Variants in GNAL observed in about 807,000 individuals in gnomAD.
GNAL encodes the protein guanine nucleotide-binding protein G(olf) subunit alpha.
Under a neutral mutation model 55.1 loss-of-function variants are expected in GNAL, and 18 were observed. The observed-to-expected ratio is 0.33, with a 90% CI of 0.23 to 0.48. The LOEUF is 0.48. GNAL is among the 20% of genes least tolerant of loss of function. The probability of loss-of-function intolerance (pLI) is 0.99; values close to 1 mark genes in which losing one functional copy is unlikely to be tolerated. For missense variants in GNAL, 412 were observed against 614.1 expected (o/e 0.67, Z 3.48); for synonymous variants, 253 against 237.0 (o/e 1.07, Z -0.62).
intron 5 of GNAL, 43 bp downstream of exon 5, chr18:11,825,058 ATGAT>A: frequency 3.0e-6 from 3 of 999,552 alleles, no homozygotes; most frequent in Non-Finnish European, 4.7e-6. Context: ...TTTGAAGAAT[ATGAT>A]TGCATGCATG....
At chr18:11,834,581 G>A (rs1016301556) in intron 5 of GNAL, among the ~76,000 whole-genome samples, 3 of 152,072 alleles carry the variant, frequency 2.0e-5, no homozygotes, top group Non-Finnish European at 4.4e-5. Context: ...AGCTAAGTGG[G>A]GTGGTGTGTA....
intron 1 of GNAL, among the ~76,000 whole-genome samples, chr18:11,706,334 C>G (rs1435208713): frequency 4.0e-5 from 6 of 151,868 alleles, no homozygotes; most frequent in Admixed American, 3.9e-4. Flanking sequence ...TAAAAAAAAG[C>G]ACACCTTAAT....
intron 1 of GNAL, among the ~76,000 whole-genome samples, chr18:11,711,237 A>G (rs1372683883): frequency 1.3e-5 from 2 of 152,186 alleles, no homozygotes; most frequent in Non-Finnish European, 2.9e-5. Flanking sequence ...GAATCCGGAT[A>G]TCCATTTCCC....
At chr18:11,703,403 GTTAT>G (rs1463192539) in intron 1 of GNAL, among the ~76,000 whole-genome samples, 2 of 152,194 alleles carry the variant, frequency 1.3e-5, no homozygotes, top group African/African-American at 2.4e-5. Flanking sequence ...ATAGAAACGT[GTTAT>G]TTGTTATAGG....
chr18:11,754,998 ATGTG>A (rs59291287), intron 4 of GNAL, among the ~76,000 whole-genome samples: 5,437 of 148,106 alleles, frequency 0.037, 119 homozygotes, highest in African/African-American at 0.067. Flanking sequence ...GTGAGTGTGT[ATGTG>A]TGTGTGTGTG....
chr18:11,880,558 G>A (rs1869514130), intron 11 of GNAL, among the ~76,000 whole-genome samples: 1 of 152,172 alleles, frequency 6.6e-6, no homozygotes, highest in South Asian at 2.1e-4. Context: ...CTGGGCAACA[G>A]AGCTAGACTC....
chr18:11,791,329 G>A (rs946817415), intron 4 of GNAL, among the ~76,000 whole-genome samples: 2 of 152,192 alleles, frequency 1.3e-5, no homozygotes, highest in Non-Finnish European at 2.9e-5. Context: ...AATGGGAACC[G>A]CTAGGTGTTT....
chr18:11,806,924 C>T (rs534479794), intron 4 of GNAL, among the ~76,000 whole-genome samples: 47 of 152,212 alleles, frequency 3.1e-4, no homozygotes, highest in African/African-American at 1.1e-3. Context: ...GCCTCGGCCT[C>T]CCACAGTGCT....
In GNAL at chr18:11,884,912, C is replaced by A; in HGVS notation, c.*3777C>A. The A allele has an allele frequency of 7.7e-7, 1 of 1,293,410 alleles. No homozygotes were observed. 80.1% of individuals were successfully genotyped at this position (1,293,410 alleles called of 1,614,324 possible). On this transcript the variant is annotated 3_prime_UTR_variant, in exon 12 of 12. Transcript: ENST00000334049. ...ACTGGCCCCTGGCTCACTGGGTTCC[C>A]ATCAAATATAGTGGGGGATCCATAA...
chr18:11,862,522 T>C, intron 6 of GNAL, 73 bp downstream of exon 6: 1 of 1,242,570 alleles, frequency 8.0e-7, no homozygotes, highest in South Asian at 1.2e-5. Flanking sequence ...TTAATGATTA[T>C]TTCAGAATGA....
intron 4 of GNAL, among the ~76,000 whole-genome samples, chr18:11,815,495 C>T (rs529363559): frequency 1.0e-3 from 157 of 152,122 alleles, no homozygotes; most frequent in Non-Finnish European, 1.4e-3. Context: ...AAGAGAGAAG[C>T]GGGGAGATGC....
chr18:11,786,147 C>T (rs912939028), intron 4 of GNAL, among the ~76,000 whole-genome samples: 11 of 152,050 alleles, frequency 7.2e-5, no homozygotes, highest in African/African-American at 2.2e-4. Context: ...CCTGGAATTC[C>T]GTGCACATTA....
intron 4 of GNAL, among the ~76,000 whole-genome samples, chr18:11,755,474 A>G (rs2033021044): frequency 6.6e-6 from 1 of 152,070 alleles, no homozygotes; most frequent in Non-Finnish European, 1.5e-5. Flanking sequence ...ATGGGGTTTC[A>G]CCGTGTTAGC....
chr18:11,800,757 C>T (rs551495357), intron 4 of GNAL, among the ~76,000 whole-genome samples: 1 of 152,194 alleles, frequency 6.6e-6, no homozygotes, highest in Non-Finnish European at 1.5e-5. Flanking sequence ...GCTTCTCTGT[C>T]ATAGGAAGGA....
chr18:11,769,094 A>G (rs1177820088), intron 4 of GNAL, among the ~76,000 whole-genome samples: 1 of 103,484 alleles, frequency 9.7e-6, no homozygotes, highest in Non-Finnish European at 1.7e-5. Flanking sequence ...TATATGTAAT[A>G]TATATTATAA....
At position 11,752,921 on chromosome 18, in the gene GNAL, C is replaced by T. The variant is rs945843083; in HGVS notation, c.445C>T (p.Pro149Ser). Reference sequence around the variant, plus strand: ...GATCCTGCACGTCAATGGGTTTAATCCCGAGTAAGAATGTTCAGTTTGCTT... The same window carrying T: ...GATCCTGCACGTCAATGGGTTTAATTCCGAGTAAGAATGTTCAGTTTGCTT... ...MRILHVNGFN[P>S]EEKKQKILDI... The change falls in exon 2 of 12, where the codon CCC becomes TCC. Residue 149 changes from proline (P) to serine (S), a missense_variant. Physicochemically the swap from Pro to Ser is moderately conservative, Grantham distance 74 (BLOSUM62 -1). Transcript: ENST00000334049. This position sits in a 1 kb window ranked among gnomAD's most constrained non-coding sequence, Gnocchi z 4.5. The T allele has an allele frequency of 1.3e-6, 2 of 1,589,202 alleles. No individual in the cohort carries two copies. Among genetic ancestry groups the T allele is most frequent in the Non-Finnish European group, 1.7e-6 (2 of 1,157,604 alleles).
chr18:11,795,205 A>AC (rs2034346559), intron 4 of GNAL, among the ~76,000 whole-genome samples: 1 of 151,882 alleles, frequency 6.6e-6, no homozygotes, highest in Admixed American at 6.6e-5. Context: ...TTCAAGACCA[A>AC]CCTGGCCAAC....
Position 11,879,776 on chromosome 18 carries a change from T to G in GNAL, c.1231-1213T>G, listed in dbSNP as rs189188616. On this transcript the variant is annotated intron_variant, in intron 11 of 11. Coordinates refer to ENST00000334049, the MANE Select transcript of GNAL (RefSeq NM_182978.4). Reference sequence around the variant, plus strand: ...CTGAGGTGGTCCCCACAAACCATGATTCGTAATGTCTAACCCTGTTTCTCA... The same window carrying G: ...CTGAGGTGGTCCCCACAAACCATGAGTCGTAATGTCTAACCCTGTTTCTCA... 1.7e-3 allele frequency among the ~76,000 whole-genome samples: 252 copies of G among 152,298 alleles called. 2 individuals are homozygous for G. Among genetic ancestry groups the G allele is most frequent in the African/African-American group, 5.9e-3 (244 of 41,566 alleles).
chr18:11,741,969 C>G (rs188674453), intron 1 of GNAL, among the ~76,000 whole-genome samples: 4 of 152,294 alleles, frequency 2.6e-5, no homozygotes, highest in Admixed American at 1.3e-4. Context: ...CCATCCATCT[C>G]CAGAAATTTT....
Sources: gnomAD v4.1 joint callset for allele counts (sites outside exome capture counted in the v4.1 genomes callset) on GRCh38, gnomAD v4.1.1 for gene constraint, Gnocchi (gnomAD v3.1) non-coding constraint, MANE v1.5 for transcripts, NCBI Gene and HGNC (gene_info 2026-07-23, HGNC 2026-07-21) for gene names.